Variants in PTPRM observed in about 807,000 individuals in gnomAD.
The protein encoded by PTPRM is protein tyrosine phosphatase receptor type M.
In PTPRM, 47 loss-of-function variants were observed where a neutral mutation model predicts 186.7. The ratio of observed to expected loss-of-function variants is 0.25; its 90% CI spans 0.20 to 0.32. The LOEUF (loss-of-function observed/expected upper bound fraction) is 0.32. Among genes scored for constraint, PTPRM ranks in the 10% least tolerant of loss-of-function variants. The pLI is 1.00. For synonymous variants in PTPRM, 668 were observed against 674.9 expected (o/e 0.99, Z 0.16); for missense variants, 1,494 against 1,865.0 (o/e 0.80, Z 3.66).
chr18:8,200,240 G>T (rs894448258), intron 14 of PTPRM, among the ~76,000 whole-genome samples: 1 of 152,148 alleles, frequency 6.6e-6, no homozygotes, highest in African/African-American at 2.4e-5. Flanking sequence ...CATTGCCGTG[G>T]TGCAGGGGCC....
intron 14 of PTPRM, among the ~76,000 whole-genome samples, chr18:8,169,544 G>A (rs2093368950): frequency 6.6e-6 from 1 of 152,040 alleles, no homozygotes; most frequent in Admixed American, 6.6e-5. Context: ...TTTAGACATA[G>A]AAACAACATT....
At chr18:7,762,736 G>T (rs1461315684) in intron 1 of PTPRM, among the ~76,000 whole-genome samples, 1 of 152,166 alleles carries the variant, frequency 6.6e-6, no homozygotes, top group African/African-American at 2.4e-5. Context: ...GTAGGAATAG[G>T]AGACTGAAAG....
At chr18:8,140,144 G>A (rs989363332) in intron 13 of PTPRM, among the ~76,000 whole-genome samples, 2 of 152,096 alleles carry the variant, frequency 1.3e-5, no homozygotes, top group East Asian at 3.9e-4. Context: ...CCGTTCACTC[G>A]GGGTGAAAGC....
intron 2 of PTPRM, among the ~76,000 whole-genome samples, chr18:7,811,162 C>T (rs1568163644): frequency 6.6e-6 from 1 of 152,178 alleles, no homozygotes; most frequent in Admixed American, 6.5e-5. Flanking sequence ...AGCAGAAAGG[C>T]AAGCGTGGCT....
At chr18:7,868,572 T>A (rs916037018) in intron 2 of PTPRM, among the ~76,000 whole-genome samples, 1 of 152,188 alleles carries the variant, frequency 6.6e-6, no homozygotes, top group South Asian at 2.1e-4. Flanking sequence ...CTCTGGAAGC[T>A]TCATCCCAGA....
intron 1 of PTPRM, among the ~76,000 whole-genome samples, chr18:7,771,401 A>C (rs547811833): frequency 7.2e-4 from 109 of 152,320 alleles, no homozygotes; most frequent in Non-Finnish European, 1.5e-3. Context: ...CTTCTCGTAA[A>C]TGTTTGCAGT....
chr18:8,248,389 T>A, intron 17 of PTPRM: 1 of 638,670 alleles, frequency 1.6e-6, no homozygotes, highest in Non-Finnish European at 2.8e-6. Flanking sequence ...GCATGTATCT[T>A]GGGGATGATA....
Position 7,906,443 on chromosome 18 carries a change from G to A in PTPRM, c.469-62G>A, listed in dbSNP as rs1337777677. 8 of 1,242,406 alleles carry A rather than the reference G, an allele frequency of 6.4e-6. No individual in the cohort carries two copies. The African/African-American group carries it at 1.0e-4, about 16-fold the overall frequency. 77.0% of individuals were successfully genotyped at this position (1,242,406 alleles called of 1,614,324 possible). ...ACGAAATTATGTGTCTTATATATAG[G>A]AGATACTTGGTAAAAGTAAGACAAA... On this transcript the variant is annotated intron_variant, in intron 3 of 32. Transcript: ENST00000580170.
intron 1 of PTPRM, among the ~76,000 whole-genome samples, chr18:7,685,231 C>T (rs914719139): frequency 1.3e-5 from 2 of 152,146 alleles, no homozygotes; most frequent in Non-Finnish European, 2.9e-5. Context: ...CTGTCTGAAC[C>T]CTGCTGGAAC....
intron 2 of PTPRM, among the ~76,000 whole-genome samples, chr18:7,844,424 T>G (rs1166929739): frequency 1.3e-5 from 2 of 152,134 alleles, no homozygotes; most frequent in Admixed American, 6.5e-5. Flanking sequence ...TTCTCAAATA[T>G]AGATCTTAGT....
At chr18:8,397,385 G>A (rs957332418) in intron 32 of PTPRM, among the ~76,000 whole-genome samples, 36 of 152,342 alleles carry the variant, frequency 2.4e-4, no homozygotes, top group Admixed American at 5.9e-4. Context: ...TCGTCGGTTC[G>A]TGTTGAAGCA....
intron 4 of PTPRM, among the ~76,000 whole-genome samples, chr18:7,907,275 A>G (rs1190637882): frequency 1.3e-5 from 2 of 152,134 alleles, no homozygotes; most frequent in East Asian, 3.9e-4. Context: ...TGGTTGTTGC[A>G]CCTGTTATGG....
chr18:7,606,281 A>G (rs1266219250), intron 1 of PTPRM, among the ~76,000 whole-genome samples: 2 of 152,160 alleles, frequency 1.3e-5, no homozygotes, highest in Non-Finnish European at 2.9e-5. Context: ...GCACAGGTCC[A>G]GAAAGAAGAG....
chr18:7,651,503 G>A (rs1030639823), intron 1 of PTPRM, among the ~76,000 whole-genome samples: 1 of 152,020 alleles, frequency 6.6e-6, no homozygotes, highest in African/African-American at 2.4e-5. Context: ...TTCAAACTAT[G>A]CTACAAGGCT....
At chr18:8,355,813 G>A (rs952270236) in intron 23 of PTPRM, among the ~76,000 whole-genome samples, 3 of 152,202 alleles carry the variant, frequency 2.0e-5, no homozygotes, top group African/African-American at 7.2e-5. Context: ...ACAAAAGATA[G>A]GAAAGAAGGT....
At chr18:8,205,295 CA>C (rs967650043) in intron 14 of PTPRM, among the ~76,000 whole-genome samples, 4 of 151,110 alleles carry the variant, frequency 2.6e-5, no homozygotes, top group South Asian at 2.1e-4. Flanking sequence ...CAATTCAATA[CA>C]AAAAAAAACC....
chr18:8,125,093 A>G (rs1246883490), intron 13 of PTPRM, among the ~76,000 whole-genome samples: 1 of 151,834 alleles, frequency 6.6e-6, no homozygotes, highest in Admixed American at 6.6e-5. Context: ...GCCAGGCATG[A>G]TAGCCACTCA....
chr18:7,800,721 C>G (rs2043914654), intron 2 of PTPRM, among the ~76,000 whole-genome samples: 1 of 152,140 alleles, frequency 6.6e-6, no homozygotes, highest in Admixed American at 6.6e-5. Context: ...TCAGGCAGTT[C>G]TATCCTTGTG....
At chr18:7,759,343 C>T (rs932807615) in intron 1 of PTPRM, among the ~76,000 whole-genome samples, 4 of 152,102 alleles carry the variant, frequency 2.6e-5, no homozygotes, top group African/African-American at 9.7e-5. Flanking sequence ...ATAAAATTAC[C>T]CACTCAGACT....
Sources: allele counts gnomAD v4.1 joint callset (sites outside exome capture counted in the v4.1 genomes callset), GRCh38; gene constraint gnomAD v4.1.1; transcripts MANE v1.5; gene names NCBI Gene and HGNC (gene_info 2026-07-23, HGNC 2026-07-21).